The following HDAC2 variants were observed in gnomAD, a reference collection of about 807,000 sequenced individuals.
HDAC2 encodes YY1-associated factor 1.
In HDAC2, 5 loss-of-function variants were observed where a neutral mutation model predicts 68.5. The ratio of observed to expected loss-of-function variants is 0.07; its 90% CI spans 0.04 to 0.15. The LOEUF is 0.15. Among genes scored for constraint, HDAC2 ranks in the 10% least tolerant of loss-of-function variants. HDAC2 has a pLI of 1.00. For synonymous variants in HDAC2, 182 were observed against 191.3 expected (o/e 0.95, Z 0.40); for missense variants, 291 against 600.8 (o/e 0.48, Z 5.39).
At chr6:113,961,376 G>A (rs1562148473) in intron 1 of HDAC2, among the ~76,000 whole-genome samples, 2 of 152,086 alleles carry the variant, frequency 1.3e-5, no homozygotes, top group African/African-American at 2.4e-5. Context: ...ACTTGATTTT[G>A]TTGGTATCAC....
chr6:113,955,029 T>C (rs1460750682), intron 5 of HDAC2, among the ~76,000 whole-genome samples: 3 of 152,162 alleles, frequency 2.0e-5, no homozygotes, highest in African/African-American at 4.8e-5. Context: ...ACTCAATAGG[T>C]AAAAAAATTT....
At chr6:113,956,562 G>T (rs1307153755) in intron 4 of HDAC2, 57 bp downstream of exon 4, 2 of 1,199,388 alleles carry the variant, frequency 1.7e-6, no homozygotes, top group Non-Finnish European at 2.5e-6. Flanking sequence ...CAAATAACCC[G>T]AAAGATAACA....
chr6:113,950,116 A>C lies in HDAC2; in HGVS notation c.640-856T>G, dbSNP rs183957844. ...TCTTAATTGGACTTGGACTTCAAAC[A>C]AATTTTGTTCCTACTTGTTGAATGA... is the stretch of plus-strand genomic sequence containing the variant. On this transcript the variant is annotated intron_variant, in intron 6 of 13. Coordinates refer to ENST00000519065, the MANE Select transcript of HDAC2 (RefSeq NM_001527.4). Among the ~76,000 whole-genome samples, 372 of 152,258 alleles carry C rather than the reference A, an allele frequency of 2.4e-3. 1 individual carries two copies. The highest frequency in any genetic ancestry group is 8.0e-3 in the African/African-American group (331 of 41,560).
chr6:113,962,337 A>G, intron 1 of HDAC2: 3 of 831,022 alleles, frequency 3.6e-6, no homozygotes, highest in Non-Finnish European at 4.4e-6. Context: ...TTCTTAAGTA[A>G]TAACAACAGG....
rs1302861145 is a variant in HDAC2 at position 113,934,311 on chromosome 6, G to A, written c.*6747C>T. Reference sequence around the variant, plus strand: ...TGACATCAGACAGGTAAAAGACGGAGTGCTGGAAAAGCATGTCAGCTGTTA... The same window carrying A: ...TGACATCAGACAGGTAAAAGACGGAATGCTGGAAAAGCATGTCAGCTGTTA... On this transcript the variant is annotated 3_prime_UTR_variant, in exon 14 of 14. Coordinates refer to ENST00000519065, the MANE Select transcript of HDAC2 (RefSeq NM_001527.4). 2 of 152,334 alleles carry A rather than the reference G, an allele frequency of 1.3e-5. No homozygotes were observed. The highest frequency in any genetic ancestry group is 1.9e-4 in the East Asian group (1 of 5,188). 9.4% of individuals were successfully genotyped at this position (152,334 alleles called of 1,614,324 possible). A position where few individuals can be genotyped will look rare whatever the true frequency, so the allele number is the denominator to read the frequency against.
Position 113,945,897 on chromosome 6 carries a change from TATC to T in HDAC2, c.982+108_982+110del, listed in dbSNP as rs1459049841. The stretch of plus-strand genomic sequence containing the variant: ...AAGTGTATTATATCCATTTTCTACT[TATC>T]ATACTTTCAACTTATGATGGGTTTA... On this transcript the variant is annotated intron_variant, in intron 9 of 13. Coordinates refer to ENST00000519065, the MANE Select transcript of HDAC2 (RefSeq NM_001527.4). The T allele has an allele frequency of 6.2e-5, 53 of 848,938 alleles. No homozygotes were observed. The Middle Eastern group carries it at 4.1e-3, about 66-fold the overall frequency. 52.6% of individuals were successfully genotyped at this position (848,938 alleles called of 1,614,324 possible). A position where few individuals can be genotyped will look rare whatever the true frequency, so the allele number is the denominator to read the frequency against.
rs1439742994 is a variant in HDAC2, at chr6:113,938,060, T to C, written c.*2998A>G. On this transcript the variant is annotated 3_prime_UTR_variant, in exon 14 of 14. Coordinates refer to ENST00000519065, the MANE Select transcript of HDAC2 (RefSeq NM_001527.4). ...TACTCAGGAGGCTGAGGCAGGAGAA[T>C]GGCTTCAACCTGGGAGGCGGAGGTT... The C allele has an allele frequency of 6.6e-6, 1 of 152,060 alleles. No homozygotes were observed. The highest frequency in any genetic ancestry group is 2.4e-5 in the African/African-American group (1 of 41,388). 9.4% of individuals were successfully genotyped at this position (152,060 alleles called of 1,614,324 possible). A position where few individuals can be genotyped will look rare whatever the true frequency, so the allele number is the denominator to read the frequency against.
At chr6:113,958,584 C>T in intron 3 of HDAC2, 65 bp downstream of exon 3, 1 of 782,924 alleles carries the variant, frequency 1.3e-6, no homozygotes, top group South Asian at 1.6e-5. Context: ...TTAGATCATT[C>T]TAAGCTCCTA....
chr6:113,966,951 T>C (rs1041664386), intron 1 of HDAC2, among the ~76,000 whole-genome samples: 1 of 152,220 alleles, frequency 6.6e-6, no homozygotes, highest in African/African-American at 2.4e-5. Flanking sequence ...TCCAAAGAAA[T>C]TATTACCTAT....
At position 113,958,837 on chromosome 6, in the gene HDAC2, C is replaced by T. The variant is rs535419239; in HGVS notation, c.166-71G>A. The T allele has an allele frequency of 6.7e-6, 6 of 898,232 alleles. No homozygotes were observed. In the South Asian group the frequency reaches 7.2e-5, roughly 11 times the overall value. 55.6% of individuals were successfully genotyped at this position (898,232 alleles called of 1,614,324 possible). Reference sequence around the variant, plus strand: ...ATATCAGTATTATCAAACAAATATACAAATTCCCCTATCGGTCCCCTCAAA... The same window carrying T: ...ATATCAGTATTATCAAACAAATATATAAATTCCCCTATCGGTCCCCTCAAA... On this transcript the variant is annotated intron_variant, in intron 2 of 13. Coordinates refer to ENST00000519065, the MANE Select transcript of HDAC2 (RefSeq NM_001527.4).
Position 113,934,663 on chromosome 6 carries a change from T to G in HDAC2, c.*6395A>C, listed in dbSNP as rs1775964191. On this transcript the variant is annotated 3_prime_UTR_variant, in exon 14 of 14. Coordinates refer to ENST00000519065, the MANE Select transcript of HDAC2 (RefSeq NM_001527.4). ...TTTCTGCCTAACTCTAGAAATAGGA[T>G]GGCAGAAGAGTCATTACATTAAGAA... 6.6e-6 allele frequency: 1 copy of G among 152,216 alleles called. No homozygotes were observed. The allele number at this position is 152,216 out of a possible 1,614,324, so 9.4% of individuals were successfully genotyped here.
At chr6:113,969,519 T>A (rs1776922341) in intron 1 of HDAC2, among the ~76,000 whole-genome samples, 1 of 152,232 alleles carries the variant, frequency 6.6e-6, no homozygotes, top group African/African-American at 2.4e-5. Flanking sequence ...AAATTTGTAT[T>A]GCTTCCTACA....
At chr6:113,960,577 T>TA (rs1195758090) in intron 1 of HDAC2, among the ~76,000 whole-genome samples, 1 of 152,064 alleles carries the variant, frequency 6.6e-6, no homozygotes, top group Non-Finnish European at 1.5e-5. Context: ...TTCAAGGTAA[T>TA]AAAAATACTG....
At chr6:113,959,002 A>G (rs1280309423) in intron 2 of HDAC2, among the ~76,000 whole-genome samples, 1 of 152,124 alleles carries the variant, frequency 6.6e-6, no homozygotes, top group African/African-American at 2.4e-5. Context: ...CTATGATTTA[A>G]TCACTCCTTA....
intron 10 of HDAC2, among the ~76,000 whole-genome samples, chr6:113,944,782 C>T (rs1232092901): frequency 2.0e-5 from 3 of 152,172 alleles, no homozygotes; most frequent in South Asian, 2.1e-4. Flanking sequence ...GCATAAGCCA[C>T]CTTGACTGGC....
intron 12 of HDAC2, among the ~76,000 whole-genome samples, chr6:113,942,530 C>T (rs1484665867): frequency 6.6e-6 from 1 of 151,202 alleles, no homozygotes; most frequent in East Asian, 1.9e-4. Context: ...TCACATACTA[C>T]AGGATCAAAA....
intron 8 of HDAC2, chr6:113,948,695 C>A (rs1776323664): frequency 3.2e-6 from 1 of 315,474 alleles, no homozygotes; most frequent in Non-Finnish European, 5.8e-6. Context: ...AAAAAGTATG[C>A]ATGTTTTATT....
chr6:113,949,906 C>G (rs1262887476), intron 6 of HDAC2, among the ~76,000 whole-genome samples: 1 of 152,072 alleles, frequency 6.6e-6, no homozygotes, highest in Non-Finnish European at 1.5e-5. Flanking sequence ...CTCAGCCTAC[C>G]GAGTGGCTGG....
At chr6:113,952,076 C>G (rs1420204692) in intron 6 of HDAC2, among the ~76,000 whole-genome samples, 1 of 152,186 alleles carries the variant, frequency 6.6e-6, no homozygotes, top group African/African-American at 2.4e-5. Context: ...CAGTTTACAG[C>G]AGTGGTTCTC....
Sources: allele counts gnomAD v4.1 joint callset (sites outside exome capture counted in the v4.1 genomes callset), GRCh38; gene constraint gnomAD v4.1.1; transcripts MANE v1.5; gene names NCBI Gene and HGNC (gene_info 2026-07-23, HGNC 2026-07-21).